The following WASHC1 variants were observed in gnomAD, a reference collection of about 807,000 sequenced individuals.
WASHC1 encodes the protein WASH complex subunit 1, also known as CXYorf1-like protein on chromosome 9.
Under a neutral mutation model 26.1 loss-of-function variants are expected in WASHC1, and 11 were observed. The observed-to-expected ratio is 0.42, with a 90% CI of 0.27 to 0.70. WASHC1 has a LOEUF of 0.70. WASHC1 is among the 30% of genes least tolerant of loss of function. WASHC1 has a pLI of 0.24. For missense variants in WASHC1, 96 were observed against 304.9 expected (o/e 0.31, Z 5.10); for synonymous variants, 37 against 126.6 (o/e 0.29, Z 4.75).
At chr9:15,957 T>G (rs1420342631) in exon 9 of WASHC1, 1 of 1,258,988 alleles carries the variant, frequency 7.9e-7, no homozygotes, top group African/African-American at 2.1e-5. Flanking sequence ...CGCTCCTTCA[T>G]GCTGCGCAGC....
rs1816489829 is a variant in WASHC1 at position 17,384 on chromosome 9, G to GC, written c.640dup (p.Ala214GlyfsTer30). On this transcript the variant is annotated frameshift_variant, in exon 6 of 11. Transcript: ENST00000442898. LOFTEE classifies it high-confidence loss of function. ...CTCTCTCTTGCTGATGGACAAGGGG[G>GC]CATCAAACAGCTTCTCCTCTGTCTC... 1 of 621,916 alleles carries GC rather than the reference G, an allele frequency of 1.6e-6. No individual in the cohort carries two copies. Among genetic ancestry groups the GC allele is most frequent in the African/African-American group, 2.2e-5 (1 of 44,698 alleles). 38.5% of individuals were successfully genotyped at this position (621,916 alleles called of 1,614,324 possible).
rs545545294 is a variant in WASHC1, at chr9:15,928, C to T, written c.1176G>A (p.Gln392=). The T allele has an allele frequency of 2.1e-5, 30 of 1,409,810 alleles. No individual in the cohort carries two copies. In the East Asian group the frequency reaches 7.0e-4, roughly 33 times the overall value. The allele number at this position is 1,409,810 out of a possible 1,614,324, so 87.3% of individuals were successfully genotyped here. Residue 392 remains glutamine, a synonymous_variant, in exon 9 of 11, where the codon CAG becomes CAA. Coordinates refer to ENST00000442898, the Ensembl canonical transcript of WASHC1. ...GCTCACCTTGCTCCTGCTCCTTCTG[C>T]TGCTGCTTCTCCAGCTTTCGCTCCT...
chr9:19,747 G>A (rs1816722484), intron 2 of WASHC1, among the ~76,000 whole-genome samples: 1 of 90,832 alleles, frequency 1.1e-5, no homozygotes, highest in African/African-American at 5.6e-5. Context: ...CTCCTTGTGT[G>A]CAGGGGGCTC....
chr9:28,538 T>TC (rs1817493642), intron 1 of WASHC1: 1 of 142,818 alleles, frequency 7.0e-6, no homozygotes, highest in African/African-American at 2.7e-5. Context: ...AAAAATTTTA[T>TC]CAAAAGTCGT....
exon 11 of WASHC1, chr9:14,816 C>G (rs200377821): frequency 0.05 from 76,381 of 1,532,328 alleles, 272 homozygotes; most frequent in Admixed American, 0.12. Context: ...CCTACGATTC[C>G]CAGTCGTCCT....
chr9:14,589 T>G, exon 11 of WASHC1: 1 of 847,322 alleles, frequency 1.2e-6, no homozygotes, highest in Non-Finnish European at 1.9e-6. Flanking sequence ...TGGCGCAGGC[T>G]GGGTGGAGCC....
exon 4 of WASHC1, chr9:18,112 C>T: frequency 3.0e-5 from 3 of 99,170 alleles, no homozygotes; most frequent in Non-Finnish European, 4.9e-5. Context: ...CCTGGGCGCC[C>T]GTGAAGATGG....
At chr9:14,810 C>T (rs71509922) in exon 11 of WASHC1, 11 of 1,275,316 alleles carry the variant, frequency 8.6e-6, no homozygotes, top group African/African-American at 5.2e-5. Flanking sequence ...GAGCCCCCTA[C>T]GATTCCCAGT....
Position 15,968 on chromosome 9 carries a change from T to C in WASHC1, c.1136A>G (p.Lys379Arg). 2.4e-6 allele frequency: 3 copies of C among 1,270,012 alleles called. No individual in the cohort carries two copies. In the South Asian group the frequency reaches 3.8e-5, roughly 16 times the overall value. 78.7% of individuals were successfully genotyped at this position (1,270,012 alleles called of 1,614,324 possible). Reference sequence around the variant, plus strand: ...CTTTCGCTCCTTCATGCTGCGCAGCTTGGCCTTGCCGATGCCCCCAGCTTG... The same window carrying C: ...CTTTCGCTCCTTCATGCTGCGCAGCCTGGCCTTGCCGATGCCCCCAGCTTG... The change falls in exon 9 of 11, where the codon AAG becomes AGG. Residue 379 changes from lysine (K) to arginine (R), a missense_variant. Physicochemically the swap from Lys to Arg is conservative, Grantham distance 26. This residue lies in a region of WASHC1 where 7 missense variants were observed against 95.3 expected (regional missense o/e 0.07). Coordinates refer to ENST00000442898, the Ensembl canonical transcript of WASHC1.
At position 17,115 on chromosome 9, in the gene WASHC1, G is replaced by T. The variant is rs78130782; in HGVS notation, c.733C>A (p.His245Asn). 9 of 1,248,684 alleles carry T rather than the reference G, an allele frequency of 7.2e-6. 2 individuals are homozygous for T. The African/African-American group carries it at 2.2e-4, about 30-fold the overall frequency. The allele number at this position is 1,248,684 out of a possible 1,614,324, so 77.4% of individuals were successfully genotyped here. The change falls in exon 7 of 11, where the codon CAT becomes AAT. Residue 245 changes from histidine (H) to asparagine (N), a missense_variant. His to Asn is a moderately conservative substitution (Grantham distance 68, BLOSUM62 1). Transcript: ENST00000442898. ...AGGTCAGGCAGGTAGGATGGAACAT[G>T]GATCTCAGGCACCTGGCCCAGGTCT... is the stretch of plus-strand genomic sequence containing the variant.
chr9:19,757 C>G (rs1816724083), intron 2 of WASHC1, among the ~76,000 whole-genome samples: 1 of 95,004 alleles, frequency 1.1e-5, no homozygotes, highest in South Asian at 4.5e-4. Context: ...GCAGGGGGCT[C>G]AGGCATGGCA....
exon 11 of WASHC1, chr9:14,520 C>A: frequency 3.5e-6 from 2 of 570,952 alleles, no homozygotes; most frequent in East Asian, 5.6e-5. Context: ...CTGTTGGTTT[C>A]TGCTCAGTTC....
At chr9:24,168 G>GTA (rs1817218711) in intron 2 of WASHC1, among the ~76,000 whole-genome samples, 1 of 61,120 alleles carries the variant, frequency 1.6e-5, no homozygotes, top group African/African-American at 9.4e-5. Flanking sequence ...AACAGATGCA[G>GTA]TAATAACCTA....
intron 2 of WASHC1, among the ~76,000 whole-genome samples, chr9:20,721 G>T (rs1359214871): frequency 1.0e-5 from 1 of 95,254 alleles, no homozygotes; most frequent in Admixed American, 9.7e-5. Flanking sequence ...TACAGAAGGT[G>T]GAGAGAACTT....
In WASHC1 at chr9:15,152, G is replaced by A; in HGVS notation, c.1196-3C>T. The A allele has an allele frequency of 1.9e-6, 1 of 526,440 alleles. No homozygotes were observed. Among genetic ancestry groups the A allele is most frequent in the Non-Finnish European group, 3.2e-6 (1 of 307,738 alleles). 32.6% of individuals were successfully genotyped at this position (526,440 alleles called of 1,614,324 possible). ...CCCACCTTGGCTCGTGGCTCTCACT[G>A]CAACGGGAAAGCCACAGACTGGGGT... On this transcript the variant is annotated splice_region_variant and splice_polypyrimidine_tract_variant and intron_variant, in intron 9 of 10. Coordinates refer to ENST00000442898, the Ensembl canonical transcript of WASHC1.
intron 2 of WASHC1, among the ~76,000 whole-genome samples, chr9:20,704 G>A (rs1205836707): frequency 2.1e-5 from 2 of 94,698 alleles, no homozygotes; most frequent in Non-Finnish European, 3.8e-5. Context: ...AAAATCAAGC[G>A]TATAAATACA....
Position 14,723 on chromosome 9 carries a change from G to A in WASHC1, c.*84C>T, listed in dbSNP as rs537494527. The A allele has an allele frequency of 7.7e-5, 109 of 1,421,748 alleles. No individual in the cohort carries two copies. In the East Asian group the frequency reaches 2.2e-3, roughly 29 times the overall value. 88.1% of individuals were successfully genotyped at this position (1,421,748 alleles called of 1,614,324 possible). On this transcript the variant is annotated 3_prime_UTR_variant, in exon 11 of 11. Transcript: ENST00000442898. ...TCCGTCACCCCCTCCCAGGGAAGCA[G>A]GTCTGAGCAGCTTGTCCTGGCTGTG...
exon 7 of WASHC1, chr9:17,076 T>C: frequency 6.8e-7 from 1 of 1,468,324 alleles, no homozygotes; most frequent in Admixed American, 1.9e-5. Context: ...ATGAGGTCGT[T>C]GGCAATGCCG....
chr9:15,547 CAGT>C (rs1816166084), intron 9 of WASHC1, among the ~76,000 whole-genome samples: 1 of 39,970 alleles, frequency 2.5e-5, no homozygotes, highest in Non-Finnish European at 4.6e-5. Context: ...CAGGCATCAT[CAGT>C]AGCCTCCAGA....
Sources: gnomAD v4.1 joint callset for allele counts (sites outside exome capture counted in the v4.1 genomes callset) on GRCh38, gnomAD v4.1.1 for gene constraint, gnomAD v4.1.1 regional missense constraint, MANE v1.5 for transcripts, NCBI Gene and HGNC (gene_info 2026-07-23, HGNC 2026-07-21) for gene names.